The following NRG1 variants were observed in gnomAD, a reference collection of about 807,000 sequenced individuals.
NRG1 encodes the protein neuregulin 1.
In NRG1, 18 loss-of-function variants were observed where a neutral mutation model predicts 63.8. The observed-to-expected ratio is 0.28, with a 90% CI of 0.19 to 0.42. The LOEUF (loss-of-function observed/expected upper bound fraction) is 0.42, where lower values mean the gene tolerates loss of function less well. NRG1 is among the 10% of genes least tolerant of loss of function. The pLI is 1.00. For synonymous variants in NRG1, 302 were observed against 301.3 expected (o/e 1.00, Z -0.02); for missense variants, 762 against 814.7 (o/e 0.94, Z 0.79).
chr8:31,792,794 T>C (rs1400181294), intron 1 of NRG1, among the ~76,000 whole-genome samples: 2 of 152,190 alleles, frequency 1.3e-5, no homozygotes, highest in Admixed American at 1.3e-4. Flanking sequence ...ATGTTCACAG[T>C]GAGGCTGTTA....
At chr8:32,297,268 T>C (rs1855007023) in intron 1 of NRG1, among the ~76,000 whole-genome samples, 1 of 152,150 alleles carries the variant, frequency 6.6e-6, no homozygotes, top group South Asian at 2.1e-4. Flanking sequence ...ATGAGTAATC[T>C]ATTGAAATAG....
At chr8:32,083,911 T>TC (rs1461734056) in intron 1 of NRG1, among the ~76,000 whole-genome samples, 1 of 152,168 alleles carries the variant, frequency 6.6e-6, no homozygotes, top group African/African-American at 2.4e-5. Flanking sequence ...CCCAGCAAGA[T>TC]GACTGACAAA....
intron 1 of NRG1, among the ~76,000 whole-genome samples, chr8:31,800,915 A>G (rs1821717295): frequency 7.5e-6 from 1 of 132,930 alleles, no homozygotes; most frequent in Non-Finnish European, 1.5e-5. Flanking sequence ...ATCTCGGTTC[A>G]CTGCAAGCTC....
At chr8:31,854,469 A>AT (rs1157702986) in intron 1 of NRG1, among the ~76,000 whole-genome samples, 7 of 151,450 alleles carry the variant, frequency 4.6e-5, no homozygotes, top group African/African-American at 1.7e-4. Context: ...CCCCTTTATC[A>AT]TTTTTTATTG....
At chr8:32,744,090 A>C (rs1248476407) in intron 7 of NRG1, among the ~76,000 whole-genome samples, 1 of 152,116 alleles carries the variant, frequency 6.6e-6, no homozygotes, top group Non-Finnish European at 1.5e-5. Flanking sequence ...AATTCACCTA[A>C]CATAAGAAAC....
intron 1 of NRG1, among the ~76,000 whole-genome samples, chr8:31,827,593 G>T (rs1284679000): frequency 1.3e-5 from 2 of 152,192 alleles, no homozygotes; most frequent in African/African-American, 4.8e-5. Context: ...TAAATATCAA[G>T]AATCTATTTG....
chr8:31,928,645 T>TACAC (rs772195542), intron 1 of NRG1, among the ~76,000 whole-genome samples: 22 of 71,288 alleles, frequency 3.1e-4, no homozygotes, highest in Admixed American at 5.2e-4. Context: ...ACTATATATA[T>TACAC]ATATACACAC....
intron 3 of NRG1, among the ~76,000 whole-genome samples, chr8:32,607,769 G>A (rs181886761): frequency 3.3e-5 from 5 of 152,214 alleles, no homozygotes; most frequent in African/African-American, 9.6e-5. Context: ...TTGATAATGA[G>A]TCTTTTTTAC....
At chr8:32,205,328 T>A (rs1264970261) in intron 1 of NRG1, among the ~76,000 whole-genome samples, 1 of 152,192 alleles carries the variant, frequency 6.6e-6, no homozygotes, top group Non-Finnish European at 1.5e-5. Context: ...AGGCACTCAA[T>A]GCTCATTTTT....
intron 1 of NRG1, among the ~76,000 whole-genome samples, chr8:32,036,037 G>A (rs891623575): frequency 2.0e-5 from 3 of 152,082 alleles, no homozygotes; most frequent in Admixed American, 1.3e-4. Context: ...ATTAGTCTGT[G>A]TACTCCACTG....
chr8:32,301,823 GA>G (rs1855600271), intron 1 of NRG1, among the ~76,000 whole-genome samples: 1 of 152,180 alleles, frequency 6.6e-6, no homozygotes. Flanking sequence ...CAACACGTAA[GA>G]ACTGTGGAGT....
chr8:32,336,284 G>A (rs1803252046), intron 1 of NRG1, among the ~76,000 whole-genome samples: 1 of 152,168 alleles, frequency 6.6e-6, no homozygotes, highest in Non-Finnish European at 1.5e-5. Context: ...GATGATAAAT[G>A]ACAAGGAAGA....
intron 1 of NRG1, among the ~76,000 whole-genome samples, chr8:32,083,123 CACAA>C (rs1365105381): frequency 1.3e-5 from 2 of 152,146 alleles, no homozygotes; most frequent in African/African-American, 4.8e-5. Flanking sequence ...CCAACGTACT[CACAA>C]ACAACAGCTG....
chr8:32,537,385 C>T (rs563238600), intron 1 of NRG1, among the ~76,000 whole-genome samples: 49 of 152,048 alleles, frequency 3.2e-4, no homozygotes, highest in African/African-American at 8.4e-4. Flanking sequence ...ACTAGGGTGA[C>T]GAAAACTCCA....
intron 1 of NRG1, among the ~76,000 whole-genome samples, chr8:31,880,139 C>A (rs908429234): frequency 1.3e-5 from 2 of 152,146 alleles, no homozygotes; most frequent in Non-Finnish European, 2.9e-5. Flanking sequence ...CCTCAAAGGG[C>A]TAAAAGCAGA....
At chr8:32,562,571 G>A (rs374098011) in intron 1 of NRG1, among the ~76,000 whole-genome samples, 17 of 152,190 alleles carry the variant, frequency 1.1e-4, no homozygotes, top group South Asian at 8.3e-4. Flanking sequence ...ATTCAAAGTC[G>A]CCTCTGGGTT....
intron 1 of NRG1, among the ~76,000 whole-genome samples, chr8:31,772,664 T>C (rs1818740369): frequency 6.6e-6 from 1 of 152,162 alleles, no homozygotes; most frequent in Non-Finnish European, 1.5e-5. Context: ...CTGGATTTGC[T>C]TCTCACTCCT....
chr8:31,843,825 G>GA (rs149787083), intron 1 of NRG1, among the ~76,000 whole-genome samples: 1 of 151,908 alleles, frequency 6.6e-6, no homozygotes, highest in African/African-American at 2.4e-5. Flanking sequence ...AGGCTATGGG[G>GA]AAAAAAAGGT....
chr8:32,070,951 C>T (rs115881017), intron 1 of NRG1, among the ~76,000 whole-genome samples: 1,939 of 152,278 alleles, frequency 0.013, 46 homozygotes, highest in African/African-American at 0.043. Context: ...TCAGCTTCAC[C>T]GTGTTCTCAG....
Sources: gnomAD v4.1 joint callset for allele counts (sites outside exome capture counted in the v4.1 genomes callset) on GRCh38, gnomAD v4.1.1 for gene constraint, MANE v1.5 for transcripts, NCBI Gene and HGNC (gene_info 2026-07-23, HGNC 2026-07-21) for gene names.